Variants in ASAP2 observed in about 807,000 individuals in gnomAD.
The protein encoded by ASAP2 is ArfGAP with SH3 domain, ankyrin repeat and PH domain 2.
A neutral mutation model predicts 131.4 loss-of-function variants in ASAP2; 45 were observed. The observed-to-expected ratio is 0.34, with a 90% confidence interval of 0.27 to 0.44. ASAP2 has a LOEUF of 0.44. ASAP2 is among the 20% of genes least tolerant of loss of function. ASAP2 has a pLI of 1.00. For synonymous variants in ASAP2, 510 were observed against 503.0 expected (o/e 1.01, Z -0.19); for missense variants, 1,011 against 1,297.0 (o/e 0.78, Z 3.39).
chr2:9,250,907 CG>C (rs1664657716), intron 1 of ASAP2, among the ~76,000 whole-genome samples: 1 of 152,170 alleles, frequency 6.6e-6, no homozygotes, highest in African/African-American at 2.4e-5. Context: ...GGCTTGCTCC[CG>C]GGGAACTTAA....
At chr2:9,245,376 G>A (rs1664265019) in intron 1 of ASAP2, among the ~76,000 whole-genome samples, 1 of 152,176 alleles carries the variant, frequency 6.6e-6, no homozygotes, top group African/African-American at 2.4e-5. Flanking sequence ...CAGCCTGCCT[G>A]GCCACTTCTT....
rs1043695379 is a variant in ASAP2, at chr2:9,323,262, G to A, written c.600+12G>A. 3.7e-6 allele frequency: 6 copies of A among 1,613,916 alleles called. No individual in the cohort carries two copies. The highest frequency in any genetic ancestry group is 5.1e-6 in the Non-Finnish European group (6 of 1,179,936). On this transcript the variant is annotated intron_variant, in intron 6 of 27. Coordinates refer to ENST00000281419, the MANE Select transcript of ASAP2 (RefSeq NM_003887.3). ...TACAGATGTGCGAGGTAAGGCGGTG[G>A]TGAAGGCAGGTCCTACAGCCCAGGC...
chr2:9,213,950 G>T (rs1329941968), intron 1 of ASAP2, among the ~76,000 whole-genome samples: 1 of 152,174 alleles, frequency 6.6e-6, no homozygotes, highest in Non-Finnish European at 1.5e-5. Context: ...ATAGACTGGG[G>T]CCCAGGGAAA....
intron 9 of ASAP2, among the ~76,000 whole-genome samples, chr2:9,341,841 G>A (rs966734519): frequency 3.3e-5 from 5 of 152,160 alleles, no homozygotes; most frequent in African/African-American, 1.2e-4. Context: ...GAATGCGTGT[G>A]TGCCCTAGTT....
Position 9,378,997 on chromosome 2 carries a change from G to T in ASAP2, c.1886G>T (p.Cys629Phe). ...GKGSTALHYC[C>F]LTDNAECLKL... ...GGCAGCACAGCCCTGCACTACTGCT[G>T]CCTGACCGACAATGCCGAGTGCCTC... The change falls in exon 19 of 28, where the codon TGC (cysteine) becomes TTC (phenylalanine). Residue 629 changes from cysteine (C) to phenylalanine (F), a missense_variant. By Grantham distance (205) the Cys-to-Phe change is radical. Transcript: ENST00000281419. 2 of 1,574,626 alleles carry T rather than the reference G, an allele frequency of 1.3e-6. No individual in the cohort carries two copies. The highest frequency in any genetic ancestry group is 1.4e-5 in the African/African-American group (1 of 73,070).
intron 15 of ASAP2, among the ~76,000 whole-genome samples, chr2:9,367,825 T>C (rs1673603129): frequency 6.6e-6 from 1 of 152,254 alleles, no homozygotes; most frequent in Non-Finnish European, 1.5e-5. Flanking sequence ...AGTAAAGACC[T>C]TACATCTGGA....
At chr2:9,331,877 T>A (rs1670864291) in intron 7 of ASAP2, among the ~76,000 whole-genome samples, 1 of 152,000 alleles carries the variant, frequency 6.6e-6, no homozygotes, top group Admixed American at 6.5e-5. Flanking sequence ...CTCAGTGAAC[T>A]TGGAATGCAT....
intron 1 of ASAP2, among the ~76,000 whole-genome samples, chr2:9,223,504 A>G (rs1662566522): frequency 6.6e-6 from 1 of 152,184 alleles, no homozygotes. Context: ...TTTGGTGTAA[A>G]TTAGGGAGTA....
At chr2:9,388,614 G>T in intron 22 of ASAP2, 68 bp downstream of exon 22, 1 of 1,552,192 alleles carries the variant, frequency 6.4e-7, no homozygotes, top group Non-Finnish European at 8.7e-7. Flanking sequence ...GAAGTTTGCA[G>T]CTGCCCTGCC....
intron 2 of ASAP2, among the ~76,000 whole-genome samples, chr2:9,291,840 A>T (rs1181647051): frequency 6.6e-6 from 1 of 152,164 alleles, no homozygotes; most frequent in East Asian, 1.9e-4. Context: ...TGCTGGTGAC[A>T]GCACTTGGTG....
rs187697014 is a variant in ASAP2 at position 9,241,343 on chromosome 2, G to A, written c.126+34113G>A. On this transcript the variant is annotated intron_variant, in intron 1 of 27. Coordinates refer to ENST00000281419, the MANE Select transcript of ASAP2 (RefSeq NM_003887.3). ...GTTTTCCTGATAGTTTTTGGTGAGAGGTTTTCTGGGAAGTCATTGTCCTAT... is the reference window on the plus strand; with the variant it reads ...GTTTTCCTGATAGTTTTTGGTGAGAAGTTTTCTGGGAAGTCATTGTCCTAT... 3.5e-3 allele frequency among the ~76,000 whole-genome samples: 526 copies of A among 152,282 alleles called. 4 individuals carry two copies. The highest frequency in any genetic ancestry group is 0.012 in the African/African-American group (486 of 41,544).
rs765514202 is a variant in ASAP2 at position 9,403,366 on chromosome 2, T to C, written c.*39T>C. ...AAAAGCATTAACAGTTATGTTCCTG[T>C]TTCGTTATTGGTACCAAAACTCTTG... On this transcript the variant is annotated 3_prime_UTR_variant, in exon 28 of 28. Coordinates refer to ENST00000281419, the MANE Select transcript of ASAP2 (RefSeq NM_003887.3). The C allele has an allele frequency of 1.3e-6, 2 of 1,594,584 alleles. No individual in the cohort carries two copies. The highest frequency in any genetic ancestry group is 1.7e-6 in the Non-Finnish European group (2 of 1,163,094).
intron 21 of ASAP2, among the ~76,000 whole-genome samples, chr2:9,387,242 G>T (rs944187610): frequency 3.5e-5 from 5 of 144,032 alleles, no homozygotes; most frequent in Admixed American, 6.8e-5. Flanking sequence ...ATAACCTTCA[G>T]GGGGGAGCAG....
intron 25 of ASAP2, 107 bp from the exon 26 acceptor site, chr2:9,400,635 C>T (rs1676582137): frequency 3.0e-6 from 3 of 1,009,908 alleles, no homozygotes; most frequent in African/African-American, 1.6e-5. Flanking sequence ...CAGATCGGAA[C>T]ACCTGGGGAA....
At chr2:9,243,381 T>G (rs1403332845) in intron 1 of ASAP2, among the ~76,000 whole-genome samples, 1 of 152,220 alleles carries the variant, frequency 6.6e-6, no homozygotes, top group African/African-American at 2.4e-5. Context: ...GTGCTGGGAT[T>G]ACAGGCATGA....
At chr2:9,228,054 A>G (rs1247347211) in intron 1 of ASAP2, among the ~76,000 whole-genome samples, 2 of 152,238 alleles carry the variant, frequency 1.3e-5, no homozygotes, top group Non-Finnish European at 2.9e-5. Context: ...AGATAACATT[A>G]TGAGTGTATC....
At chr2:9,288,809 A>G (rs1169958692) in intron 2 of ASAP2, among the ~76,000 whole-genome samples, 3 of 151,534 alleles carry the variant, frequency 2.0e-5, no homozygotes, top group African/African-American at 4.8e-5. Flanking sequence ...ACCACCTCCA[A>G]CCCCCTTCTC....
Position 9,385,326 on chromosome 2 carries a change from G to A in ASAP2, c.2098G>A (p.Glu700Lys). ...EWRLLHEDLDESDDDMDEKLQ... is the reference protein window; with the variant it reads ...EWRLLHEDLDKSDDDMDEKLQ... ...GCGACTACTCCACGAAGACCTGGAT[G>A]AAAGTGATGACGACATGGATGAGAA... The change falls in exon 21 of 28, where the codon GAA (glutamate) becomes AAA (lysine). Residue 700 changes from glutamate to lysine, a missense_variant. By Grantham distance (56) the Glu-to-Lys change is moderately conservative (BLOSUM62 1). Transcript: ENST00000281419. The A allele has an allele frequency of 6.2e-7, 1 of 1,614,138 alleles. No individual in the cohort carries two copies. Among genetic ancestry groups the A allele is most frequent in the Non-Finnish European group, 8.5e-7 (1 of 1,179,938 alleles).
intron 1 of ASAP2, among the ~76,000 whole-genome samples, chr2:9,210,383 A>G (rs1472624813): frequency 6.6e-6 from 1 of 151,868 alleles, no homozygotes; most frequent in Non-Finnish European, 1.5e-5. Context: ...AAGATAGTAC[A>G]TAGCACAGAA....
Sources: allele counts gnomAD v4.1 joint callset (sites outside exome capture counted in the v4.1 genomes callset), GRCh38; gene constraint gnomAD v4.1.1; transcripts MANE v1.5; gene names NCBI Gene and HGNC (gene_info 2026-07-23, HGNC 2026-07-21).